The following TMEM131 variants were observed in gnomAD, a reference collection of about 807,000 sequenced individuals.
TMEM131 encodes the protein transmembrane protein 131, also known as 2610524E03Rik.
TMEM131 carries 66 observed loss-of-function variants against 211.6 expected under a neutral mutation model. The ratio of observed to expected loss-of-function variants is 0.31; its 90% CI spans 0.26 to 0.38. The LOEUF (loss-of-function observed/expected upper bound fraction) is 0.38. Ranked by LOEUF, TMEM131 falls within the 10% of genes least tolerant of loss-of-function variation. The pLI is 1.00. For synonymous variants in TMEM131, 844 were observed against 841.3 expected (o/e 1.00, Z -0.06); for missense variants, 2,036 against 2,299.3 (o/e 0.89, Z 2.34).
At chr2:97,995,374 C>A in intron 1 of TMEM131, 102 bp downstream of exon 1, 2 of 1,190,458 alleles carry the variant, frequency 1.7e-6, no homozygotes, top group Non-Finnish European at 2.1e-6. Flanking sequence ...CAACTTTGCG[C>A]CGGAGCCCCG....
intron 1 of TMEM131, among the ~76,000 whole-genome samples, chr2:97,994,657 C>T (rs1263127169): frequency 6.6e-6 from 1 of 152,152 alleles, no homozygotes; most frequent in Non-Finnish European, 1.5e-5. Context: ...TGACCATTCA[C>T]ATGTCCCTTG....
At chr2:97,923,296 AAAAAT>A (rs1161326911) in intron 2 of TMEM131, among the ~76,000 whole-genome samples, 3 of 152,064 alleles carry the variant, frequency 2.0e-5, no homozygotes, top group African/African-American at 4.8e-5. Flanking sequence ...GTAAATAAAT[AAAAAT>A]AAAATAAAAC....
intron 16 of TMEM131, 42 bp from the exon 17 acceptor site, chr2:97,812,597 T>C: frequency 6.3e-7 from 1 of 1,587,380 alleles, no homozygotes; most frequent in Non-Finnish European, 8.5e-7. Context: ...AACACAAGCA[T>C]AAAATCCTTA....
chr2:97,932,542 T>C (rs1324667942), intron 1 of TMEM131, among the ~76,000 whole-genome samples: 2 of 152,212 alleles, frequency 1.3e-5, no homozygotes, highest in African/African-American at 4.8e-5. Context: ...ATATATACCA[T>C]ACATCTAAAA....
At chr2:97,828,012 T>G (rs549655454) in intron 11 of TMEM131, among the ~76,000 whole-genome samples, 1 of 152,366 alleles carries the variant, frequency 6.6e-6, no homozygotes, top group South Asian at 2.1e-4. Context: ...GCCAGAATTG[T>G]GTGCACTCTG....
chr2:97,909,284 T>C (rs1455224884), intron 2 of TMEM131, among the ~76,000 whole-genome samples: 9 of 151,880 alleles, frequency 5.9e-5, no homozygotes, highest in Admixed American at 2.0e-4. Context: ...AAACAGCACA[T>C]GTGAAGGCCC....
At chr2:97,937,609 G>GA (rs1559460110) in intron 1 of TMEM131, among the ~76,000 whole-genome samples, 1 of 151,620 alleles carries the variant, frequency 6.6e-6, no homozygotes, top group Non-Finnish European at 1.5e-5. Context: ...GCTACAAGAG[G>GA]AAAAAAGACA....
At chr2:97,794,258 A>C (rs1680654523) in intron 29 of TMEM131, among the ~76,000 whole-genome samples, 1 of 151,946 alleles carries the variant, frequency 6.6e-6, no homozygotes, top group Non-Finnish European at 1.5e-5. Context: ...CTGGTCTTGA[A>C]TTCCTGACCT....
At chr2:97,902,458 T>C (rs1478582247) in intron 3 of TMEM131, among the ~76,000 whole-genome samples, 1 of 152,192 alleles carries the variant, frequency 6.6e-6, no homozygotes, top group African/African-American at 2.4e-5. Context: ...GAACACTGGT[T>C]TTGTATCAAA....
At chr2:97,856,366 T>C (rs953372418) in intron 5 of TMEM131, among the ~76,000 whole-genome samples, 1 of 152,200 alleles carries the variant, frequency 6.6e-6, no homozygotes, top group Admixed American at 6.5e-5. Context: ...CCATACCCCG[T>C]ACCTCTCTTA....
intron 1 of TMEM131, among the ~76,000 whole-genome samples, chr2:97,941,819 GAAAC>G (rs1259890932): frequency 6.6e-6 from 1 of 152,122 alleles, no homozygotes; most frequent in Non-Finnish European, 1.5e-5. Context: ...CAAAAGTCAG[GAAAC>G]AATAGGTGCT....
intron 11 of TMEM131, among the ~76,000 whole-genome samples, chr2:97,832,004 C>CAAAAAAAA (rs770432398): frequency 0.048 from 2,908 of 60,140 alleles, 443 homozygotes; most frequent in Middle Eastern, 0.074. Flanking sequence ...AAGTCACTTC[C>CAAAAAAAA]AAAAAAAAAA....
rs375503219 is a variant in TMEM131 at position 97,792,518 on chromosome 2, C to T, written c.4012G>A (p.Ala1338Thr). 7.4e-6 allele frequency: 12 copies of T among 1,613,476 alleles called. No homozygotes were observed. Among genetic ancestry groups the T allele is most frequent in the Admixed American group, 3.3e-5 (2 of 59,934 alleles). Residue 1338 changes from alanine to threonine, a missense_variant, in exon 31 of 41, where the codon GCG (alanine) becomes ACG (threonine). This residue lies in a region of TMEM131 where 1,623 missense variants were observed against 1,805.9 expected (regional missense o/e 0.90). Transcript: ENST00000186436. Reference protein sequence around the residue: ...HPSHPERASSARHSSEDSDIT... With the variant: ...HPSHPERASSTRHSSEDSDIT... ...TCCGAGTCCTCGGAACTGTGCCTCG[C>T]GCTGCTGGCACGTTCTGGGTGGGAA...
intron 3 of TMEM131, among the ~76,000 whole-genome samples, chr2:97,899,464 G>A (rs1484394475): frequency 6.6e-6 from 1 of 152,098 alleles, no homozygotes; most frequent in Non-Finnish European, 1.5e-5. Context: ...ACAAATATAA[G>A]CATGGCTCTT....
At chr2:97,836,994 T>A in intron 8 of TMEM131, 83 bp downstream of exon 8, 1 of 1,063,248 alleles carries the variant, frequency 9.4e-7, no homozygotes, top group South Asian at 1.3e-5. Flanking sequence ...TTGTTAAGCC[T>A]ATTAAGGAGT....
rs57606185 is a variant in TMEM131, at chr2:97,981,028, C to CAAAAAAAAAA, written c.187+14438_187+14447dup. On this transcript the variant is annotated intron_variant, in intron 1 of 40. Coordinates refer to ENST00000186436, the MANE Select transcript of TMEM131 (RefSeq NM_015348.2). ...TGCTGAAACTCACAGAACTACACAC[C>CAAAAAAAAAA]AAAAAAAAAAAAAAAAAAAAAAAAA... Among the ~76,000 whole-genome samples, 66 of 37,970 alleles carry CAAAAAAAAAA rather than the reference C, an allele frequency of 1.7e-3. 4 individuals carry two copies. The highest frequency in any genetic ancestry group is 3.9e-3 in the South Asian group (2 of 518). 24.9% of individuals were successfully genotyped at this position (37,970 alleles called of 152,430 possible). A position where few individuals can be genotyped will look rare whatever the true frequency, so the allele number is the denominator to read the frequency against.
intron 19 of TMEM131, among the ~76,000 whole-genome samples, chr2:97,808,339 A>G (rs4311104): frequency 0.33 from 50,712 of 151,940 alleles, 9,315 homozygotes; most frequent in Non-Finnish European, 0.39. Context: ...GTTTCTCTTA[A>G]CCCACTACTG....
intron 1 of TMEM131, among the ~76,000 whole-genome samples, chr2:97,937,624 A>G (rs1363040070): frequency 1.3e-5 from 2 of 152,152 alleles, no homozygotes; most frequent in Non-Finnish European, 2.9e-5. Flanking sequence ...AAGACATTTA[A>G]TAATAATAAA....
At chr2:97,888,013 G>C in intron 4 of TMEM131, 39 bp downstream of exon 4, 1 of 1,495,698 alleles carries the variant, frequency 6.7e-7, no homozygotes, top group South Asian at 1.2e-5. Context: ...ACATTTAATA[G>C]TTTAATGGGA....
Sources: allele counts gnomAD v4.1 joint callset (sites outside exome capture counted in the v4.1 genomes callset), GRCh38; gene constraint gnomAD v4.1.1; regional missense constraint gnomAD v4.1.1; transcripts MANE v1.5; gene names NCBI Gene and HGNC (gene_info 2026-07-23, HGNC 2026-07-21).